Variants in EHMT1 observed in about 807,000 individuals in gnomAD.
EHMT1 encodes histone-lysine N-methyltransferase EHMT1.
EHMT1 carries 15 observed loss-of-function variants against 147.2 expected under a neutral mutation model. That is an observed-to-expected ratio of 0.10 (90% CI 0.07 to 0.16). EHMT1 has a LOEUF of 0.16. Among genes scored for constraint, EHMT1 ranks in the 10% least tolerant of loss-of-function variants. EHMT1 has a pLI of 1.00. For missense variants in EHMT1, 1,587 were observed against 1,772.4 expected, an observed-to-expected ratio of 0.90 and a Z score of 1.88; for synonymous variants, 795 against 709.6, an observed-to-expected ratio of 1.12 and a Z score of -1.91.
At chr9:137,730,109 C>A (rs1054797438) in intron 4 of EHMT1, among the ~76,000 whole-genome samples, 1 of 152,198 alleles carries the variant, frequency 6.6e-6, no homozygotes, top group South Asian at 2.1e-4. Flanking sequence ...CCCAGTGTTT[C>A]CCAGGATTGT....
At chr9:137,791,836 A>C (rs994889043) in intron 16 of EHMT1, among the ~76,000 whole-genome samples, 1 of 152,156 alleles carries the variant, frequency 6.6e-6, no homozygotes, top group African/African-American at 2.4e-5. Flanking sequence ...GGTTCAAGCA[A>C]TTCTCCTGCC....
chr9:137,633,851 C>A (rs1334077205), intron 1 of EHMT1, among the ~76,000 whole-genome samples: 1 of 147,560 alleles, frequency 6.8e-6, no homozygotes, highest in African/African-American at 2.5e-5. Flanking sequence ...GAGACAGTCT[C>A]GCTCTTGTCG....
In EHMT1 at chr9:137,782,216, C is replaced by T; in HGVS notation, c.2276-75C>T. The T allele has an allele frequency of 7.2e-7, 1 of 1,392,206 alleles. No homozygotes were observed. The highest frequency in any genetic ancestry group is 1.0e-6 in the Non-Finnish European group (1 of 1,001,488). 86.2% of individuals were successfully genotyped at this position (1,392,206 alleles called of 1,614,324 possible). A position where few individuals can be genotyped will look rare whatever the true frequency, so the allele number is the denominator to read the frequency against. ...AGGATGGTCATTTGTGAGTGCTTGCCAGCCATCGTGACAGTCCTGAGCTGG... is the reference window on the plus strand; with the variant it reads ...AGGATGGTCATTTGTGAGTGCTTGCTAGCCATCGTGACAGTCCTGAGCTGG... On this transcript the variant is annotated intron_variant, in intron 14 of 26. Transcript: ENST00000460843. The surrounding 1 kb of genome is among the most constrained non-coding windows in gnomAD (Gnocchi z 5.7).
At chr9:137,637,944 G>A (rs1354763874) in intron 1 of EHMT1, among the ~76,000 whole-genome samples, 1 of 151,924 alleles carries the variant, frequency 6.6e-6, no homozygotes, top group Non-Finnish European at 1.5e-5. Flanking sequence ...AGGTTATCTA[G>A]TTTCCGGTAT....
chr9:137,767,979 T>C (rs780996362), intron 10 of EHMT1, among the ~76,000 whole-genome samples: 3 of 152,240 alleles, frequency 2.0e-5, no homozygotes, highest in Non-Finnish European at 4.4e-5. Context: ...CAGATATGTT[T>C]AGATGTACAT....
At chr9:137,822,330 C>T (rs1955482702) in intron 25 of EHMT1, among the ~76,000 whole-genome samples, 1 of 152,202 alleles carries the variant, frequency 6.6e-6, no homozygotes, top group Non-Finnish European at 1.5e-5. Context: ...AGGAAACCTG[C>T]TGTGACTCCC....
At chr9:137,746,882 ACT>A (rs1412511585) in intron 6 of EHMT1, 1 of 152,228 alleles carries the variant, frequency 6.6e-6, no homozygotes, top group African/African-American at 2.4e-5. Context: ...ACACTGAATA[ACT>A]CTAGGTATTT....
At chr9:137,765,039 C>T (rs950264917) in intron 10 of EHMT1, among the ~76,000 whole-genome samples, 4 of 152,226 alleles carry the variant, frequency 2.6e-5, no homozygotes, top group Admixed American at 6.5e-5. Context: ...GCGCTGGGAG[C>T]GGTGCTGAGA....
chr9:137,727,064 A>G (rs1373266110), intron 3 of EHMT1, among the ~76,000 whole-genome samples: 2 of 152,176 alleles, frequency 1.3e-5, no homozygotes. Flanking sequence ...ATAATTCCTG[A>G]TGGATTTGCA....
intron 1 of EHMT1, among the ~76,000 whole-genome samples, chr9:137,694,535 C>T (rs1205911885): frequency 6.6e-6 from 1 of 152,224 alleles, no homozygotes; most frequent in Admixed American, 6.5e-5. Context: ...TGTTGGTCAG[C>T]AACCTTGTGG....
At chr9:137,683,549 A>G (rs993109331) in intron 1 of EHMT1, among the ~76,000 whole-genome samples, 5 of 152,288 alleles carry the variant, frequency 3.3e-5, no homozygotes, top group African/African-American at 1.2e-4. Flanking sequence ...CTCAAGCCCA[A>G]GTAGCTGAGA....
At position 137,732,351 on chromosome 9, in the gene EHMT1, T is replaced by TG. The variant is rs765459748; in HGVS notation, c.823+3823dup. On this transcript the variant is annotated intron_variant, in intron 4 of 26. Coordinates refer to ENST00000460843, the MANE Select transcript of EHMT1 (RefSeq NM_024757.5). The surrounding 1 kb of genome is among the most constrained non-coding windows in gnomAD (Gnocchi z 4.6). ...TTACAGCCCTTTTTGCACCCGCTGT[T>TG]GCGTGGGTCCCGAGTTCTTGTCTTG... Among the ~76,000 whole-genome samples the TG allele has an allele frequency of 3.3e-5, 5 of 152,204 alleles. No homozygotes were observed. Among genetic ancestry groups the TG allele is most frequent in the Non-Finnish European group, 7.3e-5 (5 of 68,038 alleles).
intron 8 of EHMT1, among the ~76,000 whole-genome samples, chr9:137,754,681 T>C (rs1250975324): frequency 6.6e-6 from 1 of 152,092 alleles, no homozygotes; most frequent in Non-Finnish European, 1.5e-5. Context: ...CCCAGCTTAT[T>C]TTTTTGTGTT....
intron 4 of EHMT1, among the ~76,000 whole-genome samples, chr9:137,730,065 A>G (rs1194895814): frequency 1.3e-5 from 2 of 152,202 alleles, no homozygotes; most frequent in Admixed American, 6.5e-5. Context: ...AGTACAGGCC[A>G]GGTCTTTCAT....
intron 10 of EHMT1, among the ~76,000 whole-genome samples, chr9:137,770,341 A>G (rs994419987): frequency 6.6e-6 from 1 of 152,176 alleles, no homozygotes; most frequent in Non-Finnish European, 1.5e-5. Context: ...AGTCAAAGGC[A>G]TTTATCTCTG....
At position 137,741,070 on chromosome 9, in the gene EHMT1, G is replaced by A. The variant is rs192641612; in HGVS notation, c.824-2301G>A. ...TGGCTCACTGCAAGCTCCGCCTCCC[G>A]GGTTCACGCCATTCTCCTGCCTCAG... On this transcript the variant is annotated intron_variant, in intron 4 of 26. Transcript: ENST00000460843. Among the ~76,000 whole-genome samples, 34 of 151,362 alleles carry A rather than the reference G, an allele frequency of 2.2e-4. No homozygotes were observed. In the East Asian group the frequency reaches 4.4e-3, roughly 20 times the overall value.
intron 3 of EHMT1, 114 bp downstream of exon 3, chr9:137,717,296 C>A (rs890853080): frequency 2.1e-5 from 29 of 1,376,540 alleles, no homozygotes; most frequent in Non-Finnish European, 1.2e-5. Context: ...GGTTATCCGA[C>A]AGGGCCTATG....
At chr9:137,686,730 C>CA (rs1942472479) in intron 1 of EHMT1, among the ~76,000 whole-genome samples, 1 of 111,010 alleles carries the variant, frequency 9.0e-6, no homozygotes, top group African/African-American at 3.4e-5. Context: ...CTCATTCTTT[C>CA]TTTTTTTTTT....
chr9:137,668,160 G>A (rs1341313262), intron 1 of EHMT1, among the ~76,000 whole-genome samples: 1 of 152,172 alleles, frequency 6.6e-6, no homozygotes, highest in African/African-American at 2.4e-5. Context: ...CGCACTGATC[G>A]AGAAGACAAG....
Sources: allele counts gnomAD v4.1 joint callset (sites outside exome capture counted in the v4.1 genomes callset), GRCh38; gene constraint gnomAD v4.1.1; non-coding constraint Gnocchi (gnomAD v3.1); transcripts MANE v1.5; gene names NCBI Gene and HGNC (gene_info 2026-07-23, HGNC 2026-07-21).